Variants in RPA3 observed in about 807,000 individuals in gnomAD.
The protein encoded by RPA3 is replication protein A3, also known as replication protein A 14 kDa subunit.
Under a neutral mutation model 13.7 loss-of-function variants are expected in RPA3, and 24 were observed. The ratio of observed to expected loss-of-function variants is 1.75; its 90% CI spans 1.27 to 2.46. RPA3 has a LOEUF of 2.46. RPA3 is among the 30% of genes most tolerant of loss of function. RPA3 has a pLI of 0.00. For synonymous variants in RPA3, 59 were observed against 51.2 expected, an observed-to-expected ratio of 1.15 and a Z score of -0.65; for missense variants, 183 against 151.0, an observed-to-expected ratio of 1.21 and a Z score of -1.11.
chr7:7,672,991 G>C (rs1279887833), intron 4 of RPA3, among the ~76,000 whole-genome samples: 1 of 152,146 alleles, frequency 6.6e-6, no homozygotes, highest in Non-Finnish European at 1.5e-5. Flanking sequence ...TCTGTTTTAT[G>C]GTTAGCAAGA....
At chr7:7,687,046 T>C (rs28912734) in intron 3 of RPA3, among the ~76,000 whole-genome samples, 182 bp downstream of exon 3, 181 of 152,300 alleles carry the variant, frequency 1.2e-3, no homozygotes, top group Middle Eastern at 0.01. Context: ...CTTTGAACTT[T>C]CCTTTGAACT....
At chr7:7,715,478 C>T (rs1199709379) in intron 1 of RPA3, among the ~76,000 whole-genome samples, 1 of 152,134 alleles carries the variant, frequency 6.6e-6, no homozygotes, top group Non-Finnish European at 1.5e-5. Flanking sequence ...ATTAATGCTT[C>T]CATGAAATTA....
At chr7:7,685,467 G>A (rs1010523429) in intron 4 of RPA3, among the ~76,000 whole-genome samples, 2 of 151,846 alleles carry the variant, frequency 1.3e-5, no homozygotes, top group Non-Finnish European at 2.9e-5. Context: ...GCGCCACCAC[G>A]CCCACCAAGT....
chr7:7,650,371 T>A (rs1785197529), intron 4 of RPA3, among the ~76,000 whole-genome samples: 1 of 152,250 alleles, frequency 6.6e-6, no homozygotes, highest in African/African-American at 2.4e-5. Context: ...AGCATAGTTT[T>A]ATTATCTTTC....
intron 4 of RPA3, among the ~76,000 whole-genome samples, chr7:7,672,965 A>G (rs1026152754): frequency 2.6e-5 from 4 of 152,116 alleles, no homozygotes; most frequent in Non-Finnish European, 4.4e-5. Flanking sequence ...ATTTTTTCCT[A>G]TCACCCAAAC....
At chr7:7,716,802 C>T (rs1043052633) in intron 1 of RPA3, among the ~76,000 whole-genome samples, 1 of 152,090 alleles carries the variant, frequency 6.6e-6, no homozygotes, top group African/African-American at 2.4e-5. Flanking sequence ...AAAAATTAGG[C>T]GGGCATGGTG....
intron 4 of RPA3, among the ~76,000 whole-genome samples, chr7:7,685,241 GT>G (rs911329903): frequency 6.6e-6 from 1 of 150,462 alleles, no homozygotes; most frequent in Non-Finnish European, 1.5e-5. Context: ...TTGAGCATCT[GT>G]TTTTTTTATT....
At chr7:7,708,564 T>C (rs1051287840) in intron 2 of RPA3, among the ~76,000 whole-genome samples, 2 of 152,298 alleles carry the variant, frequency 1.3e-5, no homozygotes, top group African/African-American at 4.8e-5. Context: ...ACTTGAAACA[T>C]TGAAAGGAAA....
intron 4 of RPA3, among the ~76,000 whole-genome samples, chr7:7,663,202 T>G (rs1785519406): frequency 6.6e-6 from 1 of 151,732 alleles, no homozygotes; most frequent in East Asian, 1.9e-4. Flanking sequence ...AAGTCTGGTC[T>G]TGACCTGCTA....
intron 2 of RPA3, among the ~76,000 whole-genome samples, chr7:7,687,617 T>C (rs1189313359): frequency 1.3e-5 from 2 of 152,198 alleles, no homozygotes; most frequent in African/African-American, 2.4e-5. Flanking sequence ...AAGTGTGCAT[T>C]AACTAGCAGA....
At chr7:7,708,917 GT>G (rs1780677767) in intron 2 of RPA3, among the ~76,000 whole-genome samples, 1 of 152,042 alleles carries the variant, frequency 6.6e-6, no homozygotes, top group African/African-American at 2.4e-5. Context: ...GTGTGTTTGT[GT>G]TTGTGTGTCT....
chr7:7,664,757 G>C (rs186183886), intron 4 of RPA3, among the ~76,000 whole-genome samples: 139 of 152,258 alleles, frequency 9.1e-4, no homozygotes, highest in African/African-American at 3.2e-3. Context: ...CGTTGTTTTA[G>C]GTTGTGTATT....
chr7:7,676,946 C>A (rs1018881771), intron 4 of RPA3, among the ~76,000 whole-genome samples: 1 of 152,006 alleles, frequency 6.6e-6, no homozygotes, highest in Non-Finnish European at 1.5e-5. Context: ...TTATATCATT[C>A]TATACTGACA....
At chr7:7,675,712 G>A (rs533971205) in intron 4 of RPA3, among the ~76,000 whole-genome samples, 3 of 152,238 alleles carry the variant, frequency 2.0e-5, no homozygotes, top group African/African-American at 7.2e-5. Context: ...AATTGGTGTC[G>A]TACCCAGCAC....
chr7:7,685,802 T>C (rs1780030319), intron 4 of RPA3, 28 bp downstream of exon 4: 1 of 152,240 alleles, frequency 6.6e-6, no homozygotes. Flanking sequence ...TCTTCCTTCA[T>C]TATATCATGA....
At chr7:7,690,015 T>C (rs1780136822) in intron 2 of RPA3, among the ~76,000 whole-genome samples, 1 of 152,188 alleles carries the variant, frequency 6.6e-6, no homozygotes, top group South Asian at 2.1e-4. Context: ...AGATGATATA[T>C]TCCACATTGT....
intron 4 of RPA3, among the ~76,000 whole-genome samples, chr7:7,662,311 C>G (rs1709706314): frequency 6.6e-6 from 1 of 152,104 alleles, no homozygotes; most frequent in Non-Finnish European, 1.5e-5. Context: ...CTTTCCAGGG[C>G]AGTGAATGGT....
At chr7:7,713,604 A>T (rs1055312732) in intron 2 of RPA3, among the ~76,000 whole-genome samples, 5 of 150,980 alleles carry the variant, frequency 3.3e-5, no homozygotes, top group African/African-American at 4.9e-5. Flanking sequence ...TCTTACCTTA[A>T]TTATTTCCTT....
Position 7,670,703 on chromosome 7 carries a change from A to G in RPA3, c.-758+15127T>C, listed in dbSNP as rs28915999. On this transcript the variant is annotated intron_variant, in intron 4 of 7. Transcript: ENST00000223129. ...GTGGTACTCTTGGTCTGGAGACTTC[A>G]TGAACTAAAAAGACAAGTAATCTGC... is the stretch of plus-strand genomic sequence containing the variant. Among the ~76,000 whole-genome samples, 781 of 152,306 alleles carry G rather than the reference A, an allele frequency of 5.1e-3. 6 individuals are homozygous for G. Among genetic ancestry groups the G allele is most frequent in the African/African-American group, 0.018 (747 of 41,562 alleles).
Sources: gnomAD v4.1 joint callset for allele counts (sites outside exome capture counted in the v4.1 genomes callset) on GRCh38, gnomAD v4.1.1 for gene constraint, MANE v1.5 for transcripts, NCBI Gene and HGNC (gene_info 2026-07-23, HGNC 2026-07-21) for gene names.